Variants in ZNF506 observed in about 807,000 individuals in gnomAD.
ZNF506 encodes zinc finger protein 506.
A neutral mutation model predicts 11.6 loss-of-function variants in ZNF506; 10 were observed. The ratio of observed to expected loss-of-function variants is 0.86; its 90% CI spans 0.53 to 1.46. ZNF506 has a LOEUF of 1.46. Ranked by LOEUF, ZNF506 falls within the 40% of genes most tolerant of loss-of-function variation. The probability of loss-of-function intolerance (pLI) is 0.00; values close to 1 mark genes in which losing one functional copy is unlikely to be tolerated. For synonymous variants in ZNF506, 156 were observed against 173.3 expected, an observed-to-expected ratio of 0.90 and a Z score of 0.78; for missense variants, 425 against 521.2, an observed-to-expected ratio of 0.82 and a Z score of 1.80.
At chr19:19,798,836 A>G (rs2062767624) in intron 3 of ZNF506, 1 of 152,068 alleles carries the variant, frequency 6.6e-6, no homozygotes, top group South Asian at 2.1e-4. Flanking sequence ...TCAGAAAACT[A>G]TTTAAATATA....
intron 3 of ZNF506, among the ~76,000 whole-genome samples, chr19:19,805,805 G>A (rs574854888): frequency 5.3e-5 from 8 of 151,910 alleles, no homozygotes; most frequent in East Asian, 3.9e-4. Flanking sequence ...GAAGCTCACC[G>A]AAAGAAAAAT....
rs2062717101 is a variant in ZNF506, at chr19:19,794,099, C to T, written c.*453G>A. ...CCGAGGTGGGTGGACCATCTGAGGT[C>T]AGGAGTTGGAGACCAGTCTGGCAAA... On this transcript the variant is annotated 3_prime_UTR_variant, in exon 4 of 4. Coordinates refer to ENST00000540806, the MANE Select transcript of ZNF506 (RefSeq NM_001099269.3). The T allele has an allele frequency of 6.3e-6, 1 of 158,378 alleles. No homozygotes were observed. Among genetic ancestry groups the T allele is most frequent in the African/African-American group, 2.4e-5 (1 of 41,452 alleles). The allele number at this position is 158,378 out of a possible 1,614,324, so 9.8% of individuals were successfully genotyped here.
At chr19:19,804,989 G>A (rs530423028) in intron 3 of ZNF506, among the ~76,000 whole-genome samples, 2 of 152,050 alleles carry the variant, frequency 1.3e-5, no homozygotes, top group East Asian at 1.9e-4. Flanking sequence ...TGTAAATGAC[G>A]AGTTAATGGG....
At chr19:19,814,206 T>A (rs1046534865) in intron 1 of ZNF506, among the ~76,000 whole-genome samples, 1 of 151,990 alleles carries the variant, frequency 6.6e-6, no homozygotes, top group South Asian at 2.1e-4. Context: ...GTGCGGAGTT[T>A]GAGACCAGCC....
intron 1 of ZNF506, among the ~76,000 whole-genome samples, chr19:19,816,138 A>G (rs1002469981): frequency 1.7e-4 from 26 of 151,622 alleles, no homozygotes; most frequent in African/African-American, 6.1e-4. Flanking sequence ...AAAAAAAATC[A>G]GCTGAATTTG....
At position 19,821,661 on chromosome 19, in the gene ZNF506, TCACAGGGC is replaced by T; in HGVS notation, c.-66_-59del. On this transcript the variant is annotated 5_prime_UTR_variant, in exon 1 of 4. Transcript: ENST00000540806. ...CTGTGACCCTCCTAATACCTGCAGG[TCACAGGGC>T]CACAGAGGCTGGGCCTCTAGGAGCT... 6.2e-7 allele frequency: 1 copy of T among 1,609,398 alleles called. No individual in the cohort carries two copies. The highest frequency in any genetic ancestry group is 1.3e-5 in the African/African-American group (1 of 74,906).
intron 1 of ZNF506, chr19:19,820,738 A>G (rs2062962215): frequency 6.6e-6 from 1 of 152,188 alleles, no homozygotes; most frequent in Non-Finnish European, 1.5e-5. Context: ...AACTATACCT[A>G]ATCAATTATT....
rs1291499273 is a variant in ZNF506, at chr19:19,792,750, A to G, written c.*1802T>C. Among the ~76,000 whole-genome samples the G allele has an allele frequency of 2.7e-4, 2 of 7,294 alleles. No homozygotes were observed. Among genetic ancestry groups the G allele is most frequent in the Non-Finnish European group, 4.8e-4 (2 of 4,152 alleles). 4.8% of individuals were successfully genotyped at this position (7,294 alleles called of 152,430 possible). On this transcript the variant is annotated 3_prime_UTR_variant, in exon 4 of 4. Transcript: ENST00000540806. ...CTTTATTAATAAAGTAATTCATTAT[A>G]ATTTTTGAAAAAAAAAGTTTTAAAA... is the stretch of plus-strand genomic sequence containing the variant.
At chr19:19,808,146 C>T (rs1183821621) in intron 1 of ZNF506, among the ~76,000 whole-genome samples, 1 of 44,876 alleles carries the variant, frequency 2.2e-5, no homozygotes, top group Admixed American at 2.7e-4. Flanking sequence ...TTTTTTGAGA[C>T]GGAGTCTCGC....
intron 3 of ZNF506, chr19:19,796,327 T>A (rs2062740583): frequency 6.6e-6 from 1 of 152,162 alleles, no homozygotes; most frequent in Non-Finnish European, 1.5e-5. Flanking sequence ...GTTTCTTTTT[T>A]AAAAAACAAG....
chr19:19,808,108 C>CCT (rs1331920456), intron 1 of ZNF506, among the ~76,000 whole-genome samples: 4 of 56,730 alleles, frequency 7.1e-5, no homozygotes, highest in Admixed American at 2.7e-4. Context: ...TCATTAACCA[C>CCT]TTTTTTTTTT....
chr19:19,799,567 T>A, intron 3 of ZNF506: 2 of 501,166 alleles, frequency 4.0e-6, no homozygotes, highest in Non-Finnish European at 6.9e-6. Context: ...ATTGATAAAT[T>A]TTCAAATATA....
chr19:19,813,762 G>C (rs2062903635), intron 1 of ZNF506, among the ~76,000 whole-genome samples: 1 of 152,164 alleles, frequency 6.6e-6, no homozygotes, highest in Non-Finnish European at 1.5e-5. Flanking sequence ...CCTGAGCTTA[G>C]AAGTTTGAGA....
At chr19:19,815,655 T>G (rs903831653) in intron 1 of ZNF506, among the ~76,000 whole-genome samples, 2 of 152,216 alleles carry the variant, frequency 1.3e-5, no homozygotes, top group Admixed American at 1.3e-4. Context: ...TTGTCTCACA[T>G]TTGAATTCTG....
intron 3 of ZNF506, among the ~76,000 whole-genome samples, chr19:19,805,089 A>G (rs1029469208): frequency 2.0e-5 from 3 of 152,198 alleles, no homozygotes; most frequent in African/African-American, 7.2e-5. Context: ...GTAATTAAAA[A>G]AACCCATACA....
Position 19,812,555 on chromosome 19 carries a change from T to C in ZNF506, c.4-5487A>G, listed in dbSNP as rs140054530. 7.7e-3 allele frequency among the ~76,000 whole-genome samples: 1,176 copies of C among 152,352 alleles called. 14 individuals are homozygous for C. The highest frequency in any genetic ancestry group is 0.012 in the Non-Finnish European group (830 of 68,028). On this transcript the variant is annotated intron_variant, in intron 1 of 3. Transcript: ENST00000540806. ...TATGCCATCACATTCTATTTCCTCC[T>C]GGAGCCTCTGACCTCACTGTAGCAG... is the stretch of plus-strand genomic sequence containing the variant.
In ZNF506 at chr19:19,792,845, A is replaced by T. The variant is rs566473114; in HGVS notation, c.*1707T>A. ...AAGCAAAACATCAACATTAAGTCAT[A>T]GGCTAGGATTATACAAATGAGAACC... is the stretch of plus-strand genomic sequence containing the variant. On this transcript the variant is annotated 3_prime_UTR_variant, in exon 4 of 4. Coordinates refer to ENST00000540806, the MANE Select transcript of ZNF506 (RefSeq NM_001099269.3). 2.0e-5 allele frequency among the ~76,000 whole-genome samples: 3 copies of T among 152,320 alleles called. No homozygotes were observed. The South Asian group carries it at 6.2e-4, about 32-fold the overall frequency.
chr19:19,815,224 C>T (rs948194591), intron 1 of ZNF506, among the ~76,000 whole-genome samples: 28 of 152,196 alleles, frequency 1.8e-4, no homozygotes, highest in African/African-American at 6.8e-4. Flanking sequence ...CGCGCCACTG[C>T]ACTCCAGCCT....
At chr19:19,810,085 C>T (rs74731695) in intron 1 of ZNF506, among the ~76,000 whole-genome samples, 1 of 152,194 alleles carries the variant, frequency 6.6e-6, no homozygotes, top group Admixed American at 6.5e-5. Context: ...TTTGGCCCCA[C>T]TTTATGTAGT....
Sources: allele counts gnomAD v4.1 joint callset (sites outside exome capture counted in the v4.1 genomes callset), GRCh38; gene constraint gnomAD v4.1.1; transcripts MANE v1.5; gene names NCBI Gene and HGNC (gene_info 2026-07-23, HGNC 2026-07-21).